Variants in TFDP1 observed in about 807,000 individuals in gnomAD.
The protein encoded by TFDP1 is DRTF1-polypeptide 1.
TFDP1 carries 6 observed loss-of-function variants against 48.0 expected under a neutral mutation model. The observed-to-expected ratio is 0.13, with a 90% CI of 0.07 to 0.25. The LOEUF (loss-of-function observed/expected upper bound fraction) is 0.25, where lower values mean the gene tolerates loss of function less well. TFDP1 is among the 10% of genes least tolerant of loss of function. The pLI is 1.00. For missense variants in TFDP1, 335 were observed against 543.0 expected, an observed-to-expected ratio of 0.62 and a Z score of 3.81; for synonymous variants, 201 against 211.6, an observed-to-expected ratio of 0.95 and a Z score of 0.44.
Position 113,624,422 on chromosome 13 carries a change from G to A in TFDP1, c.186+1136G>A, listed in dbSNP as rs117416612. ...CTCAGGCATCCCCAGGTGTCCTCAC[G>A]TGTCTCTCAGGTGTCCTCAGGTATC... On this transcript the variant is annotated intron_variant, in intron 4 of 11. Coordinates refer to ENST00000375370, the MANE Select transcript of TFDP1 (RefSeq NM_007111.5). 6.3e-3 allele frequency among the ~76,000 whole-genome samples: 949 copies of A among 150,470 alleles called. 32 individuals carry two copies. In the East Asian group the frequency reaches 0.11, roughly 17 times the overall value.
In TFDP1 at chr13:113,633,073, C is replaced by G. The variant is rs4150784; in HGVS notation, c.309-47C>G. On this transcript the variant is annotated intron_variant, in intron 5 of 11. Transcript: ENST00000375370. This position sits in a 1 kb window ranked among gnomAD's most constrained non-coding sequence, Gnocchi z 4.5. ...AAAGCATTCCTCGATTCAGGCTGAT[C>G]CTCAGGAGGGCTGACAGTCGCTTCT... The G allele has an allele frequency of 6.8e-6, 11 of 1,610,954 alleles. No homozygotes were observed. Among genetic ancestry groups the G allele is most frequent in the Non-Finnish European group, 9.3e-6 (11 of 1,178,692 alleles).
chr13:113,595,402 T>A (rs1177092504), intron 2 of TFDP1, among the ~76,000 whole-genome samples: 3 of 152,190 alleles, frequency 2.0e-5, no homozygotes, highest in African/African-American at 7.2e-5. Context: ...CCCAGGATGC[T>A]GCTAACAGTG....
At position 113,608,546 on chromosome 13, in the gene TFDP1, T is replaced by C. The variant is rs957484710; in HGVS notation, c.13-2450T>C. 3.3e-5 allele frequency among the ~76,000 whole-genome samples: 5 copies of C among 152,128 alleles called. 1 individual carries two copies. Among genetic ancestry groups the C allele is most frequent in the South Asian group, 4.1e-4 (2 of 4,832 alleles). On this transcript the variant is annotated intron_variant, in intron 2 of 11. Transcript: ENST00000375370. ...GCATGCTGCACTCCCACACAGATGC[T>C]CGAGCTGGGCCCAAGCCTGACCAGC...
intron 2 of TFDP1, among the ~76,000 whole-genome samples, chr13:113,593,665 T>G (rs931333539): frequency 4.5e-5 from 6 of 134,494 alleles, no homozygotes; most frequent in Non-Finnish European, 9.3e-5. Flanking sequence ...ACAGGTGTGG[T>G]GTACACGGGT....
At chr13:113,586,128 A>C (rs2047998073) in intron 2 of TFDP1, 1 of 339,610 alleles carries the variant, frequency 2.9e-6, no homozygotes, top group East Asian at 4.5e-5. Context: ...CGACTGTGTT[A>C]ATTGATAATT....
At chr13:113,634,834 T>C (rs4150794) in intron 8 of TFDP1, among the ~76,000 whole-genome samples, 72,457 of 151,356 alleles carry the variant, frequency 0.48, 19,373 homozygotes, top group African/African-American at 0.73. Flanking sequence ...TGCATGTGTG[T>C]GTGTGTGCAT....
At chr13:113,622,367 C>T (rs1594495370) in intron 3 of TFDP1, among the ~76,000 whole-genome samples, 1 of 152,242 alleles carries the variant, frequency 6.6e-6, no homozygotes, top group Non-Finnish European at 1.5e-5. Flanking sequence ...ACTGCGAGCC[C>T]CTTGCTGCCT....
chr13:113,609,814 G>A (rs1282146156), intron 2 of TFDP1, among the ~76,000 whole-genome samples: 1 of 152,152 alleles, frequency 6.6e-6, no homozygotes, highest in African/African-American at 2.4e-5. Flanking sequence ...CAGCCCCACT[G>A]CCTGAGGTGC....
At chr13:113,630,474 G>A (rs544569780) in intron 4 of TFDP1, among the ~76,000 whole-genome samples, 1 of 152,134 alleles carries the variant, frequency 6.6e-6, no homozygotes, top group Non-Finnish European at 1.5e-5. Context: ...ATTTATCCCC[G>A]TAAGAAGGGG....
intron 2 of TFDP1, chr13:113,586,060 C>A: frequency 2.1e-6 from 1 of 481,196 alleles, no homozygotes; most frequent in Non-Finnish European, 3.7e-6. Context: ...GCCTTGGATA[C>A]CACACTGCAG....
intron 2 of TFDP1, among the ~76,000 whole-genome samples, chr13:113,593,376 C>T (rs2048197546): frequency 8.0e-6 from 1 of 124,634 alleles, no homozygotes; most frequent in South Asian, 2.8e-4. Context: ...TCACCCTGCC[C>T]AGGTGACAGG....
intron 9 of TFDP1, 81 bp from the exon 10 acceptor site, chr13:113,636,453 G>A (rs2049490832): frequency 1.3e-6 from 2 of 1,505,916 alleles, no homozygotes; most frequent in South Asian, 1.2e-5. Flanking sequence ...CGGTCAGCGG[G>A]TCAGCCGTCC....
intron 3 of TFDP1, among the ~76,000 whole-genome samples, chr13:113,613,579 T>A (rs966191649): frequency 2.1e-5 from 2 of 96,408 alleles, no homozygotes; most frequent in Non-Finnish European, 4.0e-5. Context: ...CGAGTGTGTG[T>A]GTGCATGAGT....
At chr13:113,586,206 TG>T (rs1236715310) in intron 2 of TFDP1, 6 of 181,306 alleles carry the variant, frequency 3.3e-5, no homozygotes, top group Non-Finnish European at 6.9e-5. Context: ...CTGCATTTCT[TG>T]GGGGGCTTCC....
chr13:113,638,382 A>G (rs751285437), intron 11 of TFDP1, among the ~76,000 whole-genome samples: 4 of 149,902 alleles, frequency 2.7e-5, no homozygotes, highest in African/African-American at 7.4e-5. Context: ...GAATGCATCT[A>G]TGGTCATAGC....
chr13:113,623,798 G>C lies in TFDP1; in HGVS notation c.186+512G>C, dbSNP rs1423367145. Among the ~76,000 whole-genome samples, 2 of 152,182 alleles carry C rather than the reference G, an allele frequency of 1.3e-5. No individual in the cohort carries two copies. The highest frequency in any genetic ancestry group is 4.8e-5 in the African/African-American group (2 of 41,450). ...CAGGAGAGGGGAAGGTGGGCATTGG[G>C]AAGTGGCGCATCCCCCCTCCCCAGG... On this transcript the variant is annotated intron_variant, in intron 4 of 11. Coordinates refer to ENST00000375370, the MANE Select transcript of TFDP1 (RefSeq NM_007111.5). This position sits in a 1 kb window ranked among gnomAD's most constrained non-coding sequence, Gnocchi z 5.2.
intron 9 of TFDP1, among the ~76,000 whole-genome samples, 167 bp downstream of exon 9, chr13:113,636,295 T>C (rs1020073765): frequency 6.6e-6 from 1 of 152,252 alleles, no homozygotes; most frequent in African/African-American, 2.4e-5. Context: ...ATGTGGCAGA[T>C]GGAAGGTCTC....
At chr13:113,585,984 G>A in intron 2 of TFDP1, 135 bp downstream of exon 2, 2 of 1,041,482 alleles carry the variant, frequency 1.9e-6, no homozygotes, top group Non-Finnish European at 2.8e-6. Context: ...AGCGTCTGAA[G>A]CGGGATGAAG....
At chr13:113,595,424 GA>G (rs1292791063) in intron 2 of TFDP1, among the ~76,000 whole-genome samples, 1 of 152,200 alleles carries the variant, frequency 6.6e-6, no homozygotes, top group African/African-American at 2.4e-5. Context: ...CACTGGTATA[GA>G]GGGGTGTCTG....
Sources: allele counts gnomAD v4.1 joint callset (sites outside exome capture counted in the v4.1 genomes callset), GRCh38; gene constraint gnomAD v4.1.1; non-coding constraint Gnocchi (gnomAD v3.1); transcripts MANE v1.5; gene names NCBI Gene and HGNC (gene_info 2026-07-23, HGNC 2026-07-21).